The following ACSL3 variants were observed in gnomAD, a reference collection of about 807,000 sequenced individuals.
ACSL3 encodes the protein acyl-CoA synthetase long chain family member 3.
A neutral mutation model predicts 84.7 loss-of-function variants in ACSL3; 34 were observed. The ratio of observed to expected loss-of-function variants is 0.40; its 90% CI spans 0.31 to 0.53. The LOEUF is 0.53. Ranked by LOEUF, ACSL3 falls within the 20% of genes least tolerant of loss-of-function variation. ACSL3 has a pLI of 0.48. For missense variants in ACSL3, 680 were observed against 873.1 expected (o/e 0.78, Z 2.79); for synonymous variants, 315 against 299.4 (o/e 1.05, Z -0.54).
At chr2:222,934,015 T>C (rs77910174) in intron 15 of ACSL3, among the ~76,000 whole-genome samples, 357 of 152,360 alleles carry the variant, frequency 2.3e-3, no homozygotes, top group African/African-American at 8.2e-3. Context: ...TACTATTTTA[T>C]GGCCTTCAAA....
intron 3 of ACSL3, among the ~76,000 whole-genome samples, chr2:222,906,112 T>G (rs1484155714): frequency 6.6e-6 from 1 of 152,166 alleles, no homozygotes; most frequent in East Asian, 1.9e-4. Flanking sequence ...TGATTTTCCC[T>G]CCCCTCTTCC....
intron 1 of ACSL3, among the ~76,000 whole-genome samples, chr2:222,875,964 A>G (rs191583498): frequency 6.6e-6 from 1 of 152,330 alleles, no homozygotes; most frequent in East Asian, 1.9e-4. Context: ...AAGATGCATC[A>G]TTAGAGTGTT....
At position 222,931,682 on chromosome 2, in the gene ACSL3, A is replaced by G. The variant is rs561956892; in HGVS notation, c.1732+870A>G. Among the ~76,000 whole-genome samples the G allele has an allele frequency of 1.1e-4, 17 of 152,266 alleles. No individual in the cohort carries two copies. The South Asian group carries it at 1.7e-3, about 15-fold the overall frequency. On this transcript the variant is annotated intron_variant, in intron 14 of 16. Coordinates refer to ENST00000357430, the MANE Select transcript of ACSL3 (RefSeq NM_004457.5). The stretch of plus-strand genomic sequence containing the variant: ...TTAAACACACCCTCTCACTGCCACC[A>G]TGTAATTACTAAACATGGATCTTAC...
At chr2:222,927,267 A>G in intron 12 of ACSL3, 78 bp downstream of exon 12, 16 of 1,472,760 alleles carry the variant, frequency 1.1e-5, no homozygotes, top group South Asian at 2.5e-5. Context: ...CTGCAAATAT[A>G]TAGGAGAAGA....
At position 222,922,786 on chromosome 2, in the gene ACSL3, C is replaced by T. The variant is rs777827095; in HGVS notation, c.1035C>T (p.His345=). ...GTGCTGAGCTTGTCTGTCTTTCTCA[C>T]GGATGCCGCATTGGTTACTCTTCAC... is the stretch of plus-strand genomic sequence containing the variant. ...ELSAELVCLS[H]GCRIGYSSPQ... The change falls in exon 9 of 17, where the codon CAC becomes CAT. Residue 345 remains histidine (H), a synonymous_variant. Transcript: ENST00000357430. 1.3e-5 allele frequency: 21 copies of T among 1,614,046 alleles called. No individual in the cohort carries two copies. The highest frequency in any genetic ancestry group is 1.6e-4 in the Middle Eastern group (1 of 6,084).
intron 1 of ACSL3, among the ~76,000 whole-genome samples, chr2:222,885,579 C>T (rs1695699278): frequency 6.6e-6 from 1 of 152,098 alleles, no homozygotes; most frequent in East Asian, 1.9e-4. Flanking sequence ...TTATATATAG[C>T]ACTGTTCTCT....
intron 16 of ACSL3, among the ~76,000 whole-genome samples, chr2:222,939,168 A>G (rs77518884): frequency 0.011 from 1,627 of 151,364 alleles, 15 homozygotes; most frequent in African/African-American, 0.024. Flanking sequence ...GTGTTTTTCT[A>G]TTTCTTTGTA....
chr2:222,896,147 C>T lies in ACSL3; in HGVS notation c.-147-4527C>T, dbSNP rs113865347. Reference sequence around the variant, plus strand: ...CTCCCTCCCGGACGGGGCGGCTGGCCGGGCGGGTGCTGACCCCTCCACCTC... The same window carrying T: ...CTCCCTCCCGGACGGGGCGGCTGGCTGGGCGGGTGCTGACCCCTCCACCTC... On this transcript the variant is annotated intron_variant, in intron 2 of 16. Transcript: ENST00000357430. Among the ~76,000 whole-genome samples, 21 of 12,208 alleles carry T rather than the reference C, an allele frequency of 1.7e-3. 9 individuals are homozygous for T. Among genetic ancestry groups the T allele is most frequent in the African/African-American group, 0.017 (19 of 1,128 alleles). 8.0% of individuals were successfully genotyped at this position (12,208 alleles called of 152,430 possible). A position where few individuals can be genotyped will look rare whatever the true frequency, so the allele number is the denominator to read the frequency against.
At chr2:222,887,386 C>T (rs1233903146) in intron 1 of ACSL3, among the ~76,000 whole-genome samples, 4 of 152,152 alleles carry the variant, frequency 2.6e-5, no homozygotes, top group African/African-American at 4.8e-5. Context: ...CTGCTATGGA[C>T]ATGCATGTAC....
chr2:222,876,043 A>C (rs1695439047), intron 1 of ACSL3, among the ~76,000 whole-genome samples: 1 of 152,228 alleles, frequency 6.6e-6, no homozygotes, highest in Non-Finnish European at 1.5e-5. Flanking sequence ...GCTAATGTAG[A>C]TGTATGTGCA....
intron 3 of ACSL3, 90 bp from the exon 4 acceptor site, chr2:222,908,639 TAGAA>T: frequency 1.2e-6 from 1 of 819,484 alleles, no homozygotes; most frequent in Non-Finnish European, 1.9e-6. Context: ...TGCTGCCTGA[TAGAA>T]AAAAAAAAAT....
chr2:222,910,980 G>A (rs1407750559), intron 4 of ACSL3, among the ~76,000 whole-genome samples: 1 of 150,900 alleles, frequency 6.6e-6, no homozygotes, highest in African/African-American at 2.4e-5. Flanking sequence ...CCTATGGATT[G>A]TAATTTCCAA....
chr2:222,888,500 A>G (rs1695773066), intron 2 of ACSL3, among the ~76,000 whole-genome samples: 1 of 152,178 alleles, frequency 6.6e-6, no homozygotes. Flanking sequence ...TTTGATGATG[A>G]CGTAAAGGCA....
intron 1 of ACSL3, among the ~76,000 whole-genome samples, chr2:222,864,974 G>C (rs947854011): frequency 3.3e-5 from 5 of 152,158 alleles, no homozygotes; most frequent in Non-Finnish European, 7.3e-5. Context: ...AGAAAACTTT[G>C]TTGCAAGAGC....
intron 1 of ACSL3, among the ~76,000 whole-genome samples, chr2:222,870,745 G>A (rs1423074911): frequency 6.6e-6 from 1 of 152,256 alleles, no homozygotes; most frequent in Non-Finnish European, 1.5e-5. Flanking sequence ...TTTGTTTGTA[G>A]TGTGCGAAGT....
At chr2:222,924,712 A>C (rs532032362) in intron 11 of ACSL3, 117 bp downstream of exon 11, 1 of 1,195,924 alleles carries the variant, frequency 8.4e-7, no homozygotes, top group African/African-American at 1.6e-5. Flanking sequence ...TCATAAAGTC[A>C]AGAGAACTCT....
chr2:222,918,168 G>T lies in ACSL3; in HGVS notation c.666+13G>T. 1 of 1,552,716 alleles carries T rather than the reference G, an allele frequency of 6.4e-7. No homozygotes were observed. The highest frequency in any genetic ancestry group is 8.9e-7 in the Non-Finnish European group (1 of 1,127,136). On this transcript the variant is annotated intron_variant, in intron 6 of 16. Transcript: ENST00000357430. ...AACAAAGTTGAAGGTGAGGACTCTA[G>T]TTACTTTCTAACTGTCTGATACTTT...
chr2:222,924,404 T>C (rs2106132302), intron 10 of ACSL3, 52 bp from the exon 11 acceptor site: 2 of 1,455,938 alleles, frequency 1.4e-6, no homozygotes, highest in East Asian at 4.8e-5. Flanking sequence ...TAAGTGAATA[T>C]GTAAGGCAGC....
intron 1 of ACSL3, among the ~76,000 whole-genome samples, chr2:222,865,750 C>T (rs1695118630): frequency 6.6e-6 from 1 of 151,638 alleles, no homozygotes; most frequent in African/African-American, 2.4e-5. Context: ...CCCAGGTCAA[C>T]AGGGAGCCAG....
Sources: allele counts gnomAD v4.1 joint callset (sites outside exome capture counted in the v4.1 genomes callset), GRCh38; gene constraint gnomAD v4.1.1; transcripts MANE v1.5; gene names NCBI Gene and HGNC (gene_info 2026-07-23, HGNC 2026-07-21).